SLC25A37: variants seen among roughly 807,000 people sequenced by gnomAD.
SLC25A37 encodes mitoferrin-1.
Under a neutral mutation model 31.0 loss-of-function variants are expected in SLC25A37, and 17 were observed. The observed-to-expected ratio is 0.55, with a 90% confidence interval of 0.38 to 0.82. The LOEUF is 0.82. SLC25A37 is among the 40% of genes least tolerant of loss of function. SLC25A37 has a pLI of 0.00. For synonymous variants in SLC25A37, 222 were observed against 193.0 expected (o/e 1.15, Z -1.24); for missense variants, 404 against 465.8 (o/e 0.87, Z 1.22).
chr8:23,545,528 A>G (rs1802011739), intron 1 of SLC25A37, among the ~76,000 whole-genome samples: 1 of 152,182 alleles, frequency 6.6e-6, no homozygotes, highest in East Asian at 1.9e-4. Flanking sequence ...ACGGGCACAG[A>G]CCTGCTGTCC....
intron 1 of SLC25A37, among the ~76,000 whole-genome samples, chr8:23,532,551 G>A (rs747868443): frequency 1.3e-5 from 2 of 152,186 alleles, no homozygotes; most frequent in Non-Finnish European, 1.5e-5. Context: ...AGACCATGCC[G>A]AGTCCCGCCT....
intron 1 of SLC25A37, among the ~76,000 whole-genome samples, chr8:23,547,284 G>A (rs1475874818): frequency 6.6e-6 from 1 of 152,184 alleles, no homozygotes; most frequent in Non-Finnish European, 1.5e-5. Flanking sequence ...CATTCATGGT[G>A]TTGCTTGACT....
At chr8:23,541,437 C>G (rs1801891387) in intron 1 of SLC25A37, 1 of 152,278 alleles carries the variant, frequency 6.6e-6, no homozygotes, top group Non-Finnish European at 1.5e-5. Flanking sequence ...GGGCTCTTCC[C>G]CAGTTTGGCC....
In SLC25A37 at chr8:23,529,338, G is replaced by A; in HGVS notation, c.210+126G>A. On this transcript the variant is annotated intron_variant, in intron 1 of 3. Coordinates refer to ENST00000519973, the MANE Select transcript of SLC25A37 (RefSeq NM_016612.4). The surrounding 1 kb of genome is among the most constrained non-coding windows in gnomAD (Gnocchi z 4.1). ...CCGAGCTCTCCCCAGGACCGCGGCTGGCCGGGGTCGCCCCAGGAGCAGCTG... is the reference window on the plus strand; with the variant it reads ...CCGAGCTCTCCCCAGGACCGCGGCTAGCCGGGGTCGCCCCAGGAGCAGCTG... 3.4e-6 allele frequency: 3 copies of A among 883,322 alleles called. No individual in the cohort carries two copies. Among genetic ancestry groups the A allele is most frequent in the Non-Finnish European group, 4.8e-6 (3 of 630,858 alleles). 54.7% of individuals were successfully genotyped at this position (883,322 alleles called of 1,614,324 possible).
chr8:23,532,927 C>T (rs888812814), intron 1 of SLC25A37, among the ~76,000 whole-genome samples: 7 of 152,336 alleles, frequency 4.6e-5, no homozygotes, highest in South Asian at 2.1e-4. Context: ...AAGTGCAGTT[C>T]GGTCCATGCC....
chr8:23,529,234 G>A lies in SLC25A37; in HGVS notation c.210+22G>A, dbSNP rs1234307705. On this transcript the variant is annotated intron_variant, in intron 1 of 3. Coordinates refer to ENST00000519973, the MANE Select transcript of SLC25A37 (RefSeq NM_016612.4). This position sits in a 1 kb window ranked among gnomAD's most constrained non-coding sequence, Gnocchi z 4.1. ...GAAGGTGAGGCGCGGGGAGACTTCGGGGACGCAACGAGCGGAGAAGGAGCG... is the reference window on the plus strand; with the variant it reads ...GAAGGTGAGGCGCGGGGAGACTTCGAGGACGCAACGAGCGGAGAAGGAGCG... 3 of 1,596,048 alleles carry A rather than the reference G, an allele frequency of 1.9e-6. No individual in the cohort carries two copies. Among genetic ancestry groups the A allele is most frequent in the Admixed American group, 1.7e-5 (1 of 58,116 alleles).
In SLC25A37 at chr8:23,568,504, A is replaced by G; in HGVS notation, c.496+126A>G. 3.8e-6 allele frequency: 4 copies of G among 1,043,340 alleles called. No individual in the cohort carries two copies. In the South Asian group the frequency reaches 4.0e-5, roughly 10 times the overall value. The allele number at this position is 1,043,340 out of a possible 1,614,324, so 64.6% of individuals were successfully genotyped here. A position where few individuals can be genotyped will look rare whatever the true frequency, so the allele number is the denominator to read the frequency against. On this transcript the variant is annotated intron_variant, in intron 3 of 3. Coordinates refer to ENST00000519973, the MANE Select transcript of SLC25A37 (RefSeq NM_016612.4). ...CTCCTAGTCTCCAGTCAGAGCAGAC[A>G]GGAGAATTGAATTTTTTACTACGTT...
intron 1 of SLC25A37, among the ~76,000 whole-genome samples, chr8:23,554,420 G>C (rs1802311446): frequency 6.6e-6 from 1 of 152,192 alleles, no homozygotes; most frequent in Non-Finnish European, 1.5e-5. Flanking sequence ...GTCCAGGGTA[G>C]TCCCTTCCCT....
chr8:23,560,646 C>G (rs1802491975), intron 1 of SLC25A37, among the ~76,000 whole-genome samples: 1 of 152,212 alleles, frequency 6.6e-6, no homozygotes, highest in Non-Finnish European at 1.5e-5. Context: ...CCAGGCCCAT[C>G]TCTGCGCTTC....
chr8:23,552,568 GA>G (rs1262135670), intron 1 of SLC25A37, among the ~76,000 whole-genome samples: 1 of 152,086 alleles, frequency 6.6e-6, no homozygotes, highest in Non-Finnish European at 1.5e-5. Context: ...TGCCCAGAAG[GA>G]ACGCTGTCTT....
intron 1 of SLC25A37, among the ~76,000 whole-genome samples, chr8:23,535,774 C>A (rs527656227): frequency 6.6e-5 from 10 of 152,162 alleles, no homozygotes; most frequent in Non-Finnish European, 1.5e-4. Context: ...TGGTAACAGA[C>A]AAGAAAGAGG....
At chr8:23,531,769 G>A (rs1801665852) in intron 1 of SLC25A37, 2 of 152,202 alleles carry the variant, frequency 1.3e-5, no homozygotes, top group African/African-American at 2.4e-5. Flanking sequence ...GTGCAAAGTC[G>A]GCCTGGTGGA....
chr8:23,530,537 G>A (rs1315996939), intron 1 of SLC25A37, among the ~76,000 whole-genome samples: 2 of 152,228 alleles, frequency 1.3e-5, no homozygotes, highest in African/African-American at 4.8e-5. Context: ...CTAAGCCTGA[G>A]CCATCACCCA....
chr8:23,566,675 A>T, intron 2 of SLC25A37: 8 of 1,032,462 alleles, frequency 7.7e-6, no homozygotes, highest in Non-Finnish European at 9.3e-6. Context: ...CAGACATAGG[A>T]GAAACCCTGA....
At chr8:23,544,969 G>A (rs7844887) in intron 1 of SLC25A37, among the ~76,000 whole-genome samples, 47,349 of 152,120 alleles carry the variant, frequency 0.31, 8,233 homozygotes, top group African/African-American at 0.47. Context: ...AGGAGGAAGG[G>A]AGGCTAAGCG....
chr8:23,565,647 G>A (rs1053399491), intron 1 of SLC25A37, among the ~76,000 whole-genome samples: 1 of 152,234 alleles, frequency 6.6e-6, no homozygotes, highest in Non-Finnish European at 1.5e-5. Flanking sequence ...AGAACATGGA[G>A]GTTTCAGATA....
Position 23,572,203 on chromosome 8 carries a change from TAAAAAAAAAAAAAAAAAA to T in SLC25A37, c.*376_*393del, listed in dbSNP as rs540950017. 2.5e-3 allele frequency: 217 copies of T among 85,962 alleles called. 1 individual carries two copies. The highest frequency in any genetic ancestry group is 0.013 in the African/African-American group (193 of 15,272). The allele number at this position is 85,962 out of a possible 1,614,324, so 5.3% of individuals were successfully genotyped here. A position where few individuals can be genotyped will look rare whatever the true frequency, so the allele number is the denominator to read the frequency against. On this transcript the variant is annotated 3_prime_UTR_variant, in exon 4 of 4. Transcript: ENST00000519973. ...GAAAATTTGCAGTGACTGAAAACAG[TAAAAAAAAAAAAAAAAAA>T]AAAAAAAAAAAAAAAAAAAAAAAAA...
chr8:23,566,155 TATCTACGGAGCCCTCAAGA>T lies in SLC25A37; in HGVS notation c.260_278del (p.Ile87LysfsTer18). The stretch of plus-strand genomic sequence containing the variant: ...CAGATCCCAAAGCCCAGTACACAAG[TATCTACGGAGCCCTCAAGA>T]AAATCATGCGGACCGAAGGCTTCTG... On this transcript the variant is annotated frameshift_variant, in exon 2 of 4. Coordinates refer to ENST00000519973, the MANE Select transcript of SLC25A37 (RefSeq NM_016612.4). LOFTEE classifies it high-confidence loss of function. 6.2e-7 allele frequency: 1 copy of T among 1,604,450 alleles called. No individual in the cohort carries two copies.
chr8:23,552,557 G>A (rs900963973), intron 1 of SLC25A37, among the ~76,000 whole-genome samples: 5 of 152,122 alleles, frequency 3.3e-5, no homozygotes, highest in South Asian at 2.1e-4. Context: ...CCCAGGCCAC[G>A]TGCCCAGAAG....
Sources: allele counts gnomAD v4.1 joint callset (sites outside exome capture counted in the v4.1 genomes callset), GRCh38; gene constraint gnomAD v4.1.1; non-coding constraint Gnocchi (gnomAD v3.1); transcripts MANE v1.5; gene names NCBI Gene and HGNC (gene_info 2026-07-23, HGNC 2026-07-21).